Variants in KCNG2 observed in about 807,000 individuals in gnomAD.
KCNG2 encodes voltage-gated potassium channel regulatory subunit KCNG2.
Under a neutral mutation model 12.3 loss-of-function variants are expected in KCNG2, and 7 were observed. The ratio of observed to expected loss-of-function variants is 0.57; its 90% CI spans 0.32 to 1.07. The LOEUF is 1.07. Ranked by LOEUF, KCNG2 falls within the 50% of genes least tolerant of loss-of-function variation. KCNG2 has a pLI of 0.04. For synonymous variants in KCNG2, 414 were observed against 351.4 expected (o/e 1.18, Z -1.99); for missense variants, 703 against 726.0 (o/e 0.97, Z 0.36).
intron 3 of KCNG2, among the ~76,000 whole-genome samples, chr18:79,893,363 T>C (rs1465916917): frequency 1.4e-5 from 2 of 145,280 alleles, no homozygotes; most frequent in Non-Finnish European, 3.0e-5. Context: ...ATTAATATCG[T>C]TGGGTCTGTG....
At chr18:79,844,388 AG>A (rs943377249) in intron 1 of KCNG2, among the ~76,000 whole-genome samples, 2 of 152,132 alleles carry the variant, frequency 1.3e-5, no homozygotes, top group African/African-American at 4.8e-5. Context: ...GGTGGTTGCC[AG>A]GGGATTGGGG....
chr18:79,887,272 C>A (rs1011268624), intron 3 of KCNG2, among the ~76,000 whole-genome samples: 4 of 151,892 alleles, frequency 2.6e-5, no homozygotes, highest in African/African-American at 9.7e-5. Context: ...CCTGTGAGGA[C>A]ATGGGGACAG....
chr18:79,899,036 G>A lies in KCNG2; in HGVS notation c.625-4G>A, dbSNP rs756303972. The A allele has an allele frequency of 1.4e-5, 22 of 1,539,952 alleles. No homozygotes were observed. The highest frequency in any genetic ancestry group is 2.8e-5 in the African/African-American group (2 of 71,970). ...CCCCAACCCCGTGTCCCCTCTCCCC[G>A]CAGGGCGAGTGCTCCCCCAAGTGCC... is the stretch of plus-strand genomic sequence containing the variant. On this transcript the variant is annotated splice_region_variant and splice_polypyrimidine_tract_variant and intron_variant, in intron 3 of 3. Transcript: ENST00000316249.
At chr18:79,837,453 A>G (rs1978341990) in intron 1 of KCNG2, among the ~76,000 whole-genome samples, 1 of 152,234 alleles carries the variant, frequency 6.6e-6, no homozygotes. Flanking sequence ...TCCACTAGGC[A>G]GTTCCCCAGT....
At chr18:79,816,403 C>T (rs544861882) in intron 1 of KCNG2, 2 of 152,580 alleles carry the variant, frequency 1.3e-5, no homozygotes, top group South Asian at 2.1e-4. Flanking sequence ...CCCTCCCCTC[C>T]CCCTTCTCTG....
At chr18:79,829,110 C>G (rs1257483151) in intron 1 of KCNG2, among the ~76,000 whole-genome samples, 4 of 109,816 alleles carry the variant, frequency 3.6e-5, no homozygotes, top group African/African-American at 1.5e-4. Flanking sequence ...GTGTGTGTAA[C>G]ATGTCCATGA....
At chr18:79,881,733 A>G (rs1396925882) in intron 3 of KCNG2, among the ~76,000 whole-genome samples, 2 of 152,224 alleles carry the variant, frequency 1.3e-5, no homozygotes, top group Non-Finnish European at 2.9e-5. Context: ...ATTTTCTGCA[A>G]TATTTACAAG....
chr18:79,802,741 T>C (rs75876251), intron 1 of KCNG2, among the ~76,000 whole-genome samples: 1 of 150,828 alleles, frequency 6.6e-6, no homozygotes, highest in African/African-American at 2.4e-5. Flanking sequence ...TTTTTTTTTT[T>C]CCTGTTCTTT....
At chr18:79,854,109 C>T (rs1334042777) in intron 1 of KCNG2, among the ~76,000 whole-genome samples, 1 of 152,244 alleles carries the variant, frequency 6.6e-6, no homozygotes, top group Non-Finnish European at 1.5e-5. Flanking sequence ...GTTTCCTGGT[C>T]GTGGGCTCAG....
At chr18:79,834,421 C>T (rs1347062492) in intron 1 of KCNG2, among the ~76,000 whole-genome samples, 2 of 152,210 alleles carry the variant, frequency 1.3e-5, no homozygotes, top group African/African-American at 4.8e-5. Flanking sequence ...CGGTACAAGG[C>T]CTCAGGTCTC....
intron 3 of KCNG2, among the ~76,000 whole-genome samples, chr18:79,890,698 G>T (rs1424321612): frequency 6.6e-6 from 1 of 152,150 alleles, no homozygotes; most frequent in African/African-American, 2.4e-5. Context: ...TGAAGCATCT[G>T]GCCCTGGGCT....
Position 79,884,284 on chromosome 18 carries a change from C to T in KCNG2, c.625-14756C>T, listed in dbSNP as rs975248125. Among the ~76,000 whole-genome samples the T allele has an allele frequency of 2.0e-5, 3 of 152,154 alleles. No individual in the cohort carries two copies. Among genetic ancestry groups the T allele is most frequent in the Non-Finnish European group, 4.4e-5 (3 of 68,006 alleles). ...CTCCCTGTGGGCCCCACACCTGCAC[C>T]CCCAAGAGAATTCGCCCCATCTAGG... is the stretch of plus-strand genomic sequence containing the variant. On this transcript the variant is annotated intron_variant, in intron 3 of 3. Coordinates refer to ENST00000316249, the MANE Select transcript of KCNG2 (RefSeq NM_012283.2). The surrounding 1 kb of genome is among the most constrained non-coding windows in gnomAD (Gnocchi z 5.5).
intron 2 of KCNG2, among the ~76,000 whole-genome samples, chr18:79,861,573 C>G (rs1478602196): frequency 6.6e-6 from 1 of 152,130 alleles, no homozygotes; most frequent in African/African-American, 2.4e-5. Flanking sequence ...GCCACTGTGC[C>G]GGGTCTTTGT....
chr18:79,817,920 G>T (rs1465246185), intron 1 of KCNG2, among the ~76,000 whole-genome samples: 1 of 152,232 alleles, frequency 6.6e-6, no homozygotes, highest in African/African-American at 2.4e-5. Flanking sequence ...GTGCTGTGAG[G>T]TGGTGAATTG....
At chr18:79,832,605 C>T (rs1978302534) in intron 1 of KCNG2, among the ~76,000 whole-genome samples, 1 of 152,188 alleles carries the variant, frequency 6.6e-6, no homozygotes, top group African/African-American at 2.4e-5. Context: ...CTTCTCCACT[C>T]TTTTCTGGTA....
At chr18:79,885,326 T>C (rs1027552579) in intron 3 of KCNG2, among the ~76,000 whole-genome samples, 2 of 152,138 alleles carry the variant, frequency 1.3e-5, no homozygotes, top group African/African-American at 4.8e-5. Flanking sequence ...TCTGACCTGA[T>C]TTTTGGCCAA....
intron 1 of KCNG2, among the ~76,000 whole-genome samples, chr18:79,798,258 C>T (rs1410346307): frequency 6.6e-6 from 1 of 151,850 alleles, no homozygotes; most frequent in Non-Finnish European, 1.5e-5. Flanking sequence ...CCCTCCCGCT[C>T]AGCGCCCAGA....
chr18:79,871,708 G>A (rs1186086913), intron 3 of KCNG2, among the ~76,000 whole-genome samples: 1 of 152,210 alleles, frequency 6.6e-6, no homozygotes, highest in African/African-American at 2.4e-5. Context: ...GGCCCCCTAT[G>A]ACGCCTTGGC....
At position 79,876,629 on chromosome 18, in the gene KCNG2, C is replaced by G. The variant is rs528559122; in HGVS notation, c.624+12338C>G. ...CTGCGAGCAGCTTGCTCACCTGTGT[C>G]TGTGACGCTGGTGCCCTGAGGGCAG... On this transcript the variant is annotated intron_variant, in intron 3 of 3. Transcript: ENST00000316249. 1.8e-3 allele frequency among the ~76,000 whole-genome samples: 280 copies of G among 152,346 alleles called. 1 individual carries two copies. Among genetic ancestry groups the G allele is most frequent in the African/African-American group, 6.6e-3 (276 of 41,602 alleles).
Sources: allele counts gnomAD v4.1 joint callset (sites outside exome capture counted in the v4.1 genomes callset), GRCh38; gene constraint gnomAD v4.1.1; non-coding constraint Gnocchi (gnomAD v3.1); transcripts MANE v1.5; gene names NCBI Gene and HGNC (gene_info 2026-07-23, HGNC 2026-07-21).